Variants in KDM2A observed in about 807,000 individuals in gnomAD.
KDM2A encodes lysine demethylase 2A.
Under a neutral mutation model 137.3 loss-of-function variants are expected in KDM2A, and 3 were observed. The ratio of observed to expected loss-of-function variants is 0.02; its 90% CI spans 0.01 to 0.06. The LOEUF (loss-of-function observed/expected upper bound fraction) is 0.06, where lower values mean the gene tolerates loss of function less well. Ranked by LOEUF, KDM2A falls within the 10% of genes least tolerant of loss-of-function variation. The probability of loss-of-function intolerance (pLI) is 1.00; values close to 1 mark genes in which losing one functional copy is unlikely to be tolerated. For synonymous variants in KDM2A, 512 were observed against 541.5 expected, an observed-to-expected ratio of 0.95 and a Z score of 0.76; for missense variants, 738 against 1,510.6, an observed-to-expected ratio of 0.49 and a Z score of 8.48.
intron 2 of KDM2A, among the ~76,000 whole-genome samples, chr11:67,137,046 G>C (rs748540872): frequency 1.3e-5 from 2 of 152,132 alleles, no homozygotes; most frequent in Non-Finnish European, 2.9e-5. Flanking sequence ...AGACCTAAAG[G>C]GTGACTAGGA....
At chr11:67,233,575 C>G (rs1181803404) in intron 12 of KDM2A, among the ~76,000 whole-genome samples, 1 of 101,736 alleles carries the variant, frequency 9.8e-6, no homozygotes, top group Admixed American at 1.2e-4. Flanking sequence ...TCCCTTGAAC[C>G]TGGGAGGCAA....
chr11:67,254,211 A>G lies in KDM2A; in HGVS notation c.3100A>G (p.Asn1034Asp), dbSNP rs1254373672. Residue 1034 changes from asparagine (N) to aspartate (D), a missense_variant, in exon 20 of 21, where the codon AAT becomes GAT. Coordinates refer to ENST00000529006, the MANE Select transcript of KDM2A (RefSeq NM_012308.3). The surrounding 1 kb of genome is among the most constrained non-coding windows in gnomAD (Gnocchi z 4.7). Reference sequence around the variant, plus strand: ...TTCTCTTGCCTGTACAGGTCAGGACAATCGCAGCAAGCTCCGGAACATGAC... The same window carrying G: ...TTCTCTTGCCTGTACAGGTCAGGACGATCGCAGCAAGCTCCGGAACATGAC... ...TPPADKPGQD[N>D]RSKLRNMTDF... 1 of 1,613,818 alleles carries G rather than the reference A, an allele frequency of 6.2e-7. No individual in the cohort carries two copies. The highest frequency in any genetic ancestry group is 8.5e-7 in the Non-Finnish European group (1 of 1,179,756).
chr11:67,199,579 A>C (rs1857566696), intron 5 of KDM2A, among the ~76,000 whole-genome samples: 1 of 152,238 alleles, frequency 6.6e-6, no homozygotes, highest in African/African-American at 2.4e-5. Flanking sequence ...CCTAAGCCAC[A>C]GTAAAGCCCT....
At chr11:67,189,792 A>G (rs978890404) in intron 5 of KDM2A, among the ~76,000 whole-genome samples, 1 of 152,140 alleles carries the variant, frequency 6.6e-6, no homozygotes, top group Non-Finnish European at 1.5e-5. Flanking sequence ...GTGAGCCAAG[A>G]TCGCACATTG....
At chr11:67,144,315 T>C (rs904602567) in intron 2 of KDM2A, among the ~76,000 whole-genome samples, 1 of 140,932 alleles carries the variant, frequency 7.1e-6, no homozygotes, top group African/African-American at 2.7e-5. Context: ...TGCAGTGGGG[T>C]GACCTCTGCT....
chr11:67,177,905 C>T (rs911263458), intron 2 of KDM2A, among the ~76,000 whole-genome samples: 5 of 152,114 alleles, frequency 3.3e-5, no homozygotes, highest in African/African-American at 1.2e-4. Context: ...GTCCTGATGG[C>T]AACAGTGTCA....
intron 5 of KDM2A, among the ~76,000 whole-genome samples, chr11:67,206,957 A>T (rs1469216117): frequency 6.6e-6 from 1 of 152,236 alleles, no homozygotes; most frequent in East Asian, 1.9e-4. Flanking sequence ...ATGAACTAGG[A>T]TAATTATCTT....
chr11:67,174,964 G>C (rs893165028), intron 2 of KDM2A, among the ~76,000 whole-genome samples: 6 of 152,138 alleles, frequency 3.9e-5, no homozygotes, highest in African/African-American at 1.4e-4. Context: ...CTCCCTTTAG[G>C]CTGCTAAAAT....
intron 2 of KDM2A, among the ~76,000 whole-genome samples, chr11:67,125,535 G>A (rs145187619): frequency 6.6e-4 from 100 of 152,106 alleles, no homozygotes; most frequent in African/African-American, 2.3e-3. Context: ...ACTTTGGGAG[G>A]CATAGGCAGG....
intron 2 of KDM2A, among the ~76,000 whole-genome samples, chr11:67,144,207 G>A (rs1156677667): frequency 6.6e-6 from 1 of 151,260 alleles, no homozygotes; most frequent in Admixed American, 6.6e-5. Flanking sequence ...CCAAAGTGTT[G>A]GGATTACTGG....
intron 12 of KDM2A, among the ~76,000 whole-genome samples, chr11:67,241,809 C>T (rs138199456): frequency 7.0e-4 from 107 of 152,332 alleles, no homozygotes; most frequent in African/African-American, 2.4e-3. Context: ...TGGCTCATGC[C>T]TGTAATCCCA....
chr11:67,141,682 A>ATATAT (rs1276401227), intron 2 of KDM2A, among the ~76,000 whole-genome samples: 6 of 119,342 alleles, frequency 5.0e-5, no homozygotes, highest in African/African-American at 1.6e-4. Context: ...AAAAAAAAAA[A>ATATAT]ATATATATAT....
chr11:67,147,915 G>A (rs1472118513), intron 2 of KDM2A, among the ~76,000 whole-genome samples: 2 of 151,876 alleles, frequency 1.3e-5, no homozygotes, highest in African/African-American at 4.8e-5. Flanking sequence ...CTGACCTCGT[G>A]ATTCACCTGC....
chr11:67,247,735 T>C lies in KDM2A; in HGVS notation c.1966-546T>C, dbSNP rs117328678. Among the ~76,000 whole-genome samples the C allele has an allele frequency of 3.5e-3, 537 of 152,314 alleles. 1 individual carries two copies. Among genetic ancestry groups the C allele is most frequent in the Admixed American group, 5.8e-3 (89 of 15,298 alleles). ...CCACCATGCCCGGCCAACTTTACAATCTTAAAAGTTTGTTTGATTAATTAT... is the reference window on the plus strand; with the variant it reads ...CCACCATGCCCGGCCAACTTTACAACCTTAAAAGTTTGTTTGATTAATTAT... On this transcript the variant is annotated intron_variant, in intron 15 of 20. Transcript: ENST00000529006.
chr11:67,257,563 A>G lies in KDM2A; in HGVS notation c.*2508A>G, dbSNP rs527646014. On this transcript the variant is annotated 3_prime_UTR_variant, in exon 21 of 21. Coordinates refer to ENST00000529006, the MANE Select transcript of KDM2A (RefSeq NM_012308.3). ...TCCATCTTTCCAAGCACCGGGGCGA[A>G]AAACCACAAAGGAAAGGAAGAAAAT... 1 of 152,712 alleles carries G rather than the reference A, an allele frequency of 6.5e-6. No homozygotes were observed. The highest frequency in any genetic ancestry group is 1.5e-5 in the Non-Finnish European group (1 of 68,030). 9.5% of individuals were successfully genotyped at this position (152,712 alleles called of 1,614,324 possible).
Position 67,123,950 on chromosome 11 carries a change from T to A in KDM2A, c.42+2592T>A, listed in dbSNP as rs187096987. Among the ~76,000 whole-genome samples, 715 of 151,822 alleles carry A rather than the reference T, an allele frequency of 4.7e-3. 2 individuals are homozygous for A. The highest frequency in any genetic ancestry group is 7.9e-3 in the Non-Finnish European group (534 of 67,944). ...TCTTGGCCTCCCAAAGTGCTGAGAT[T>A]ACAGGCATGAGCCACTGGACCTGGA... On this transcript the variant is annotated intron_variant, in intron 2 of 20. Coordinates refer to ENST00000529006, the MANE Select transcript of KDM2A (RefSeq NM_012308.3).
intron 11 of KDM2A, among the ~76,000 whole-genome samples, chr11:67,229,864 C>T (rs1213537350): frequency 4.4e-4 from 63 of 142,746 alleles, no homozygotes; most frequent in African/African-American, 1.6e-3. Context: ...AGTGAGACTC[C>T]GTCTCAAAAA....
At chr11:67,218,850 C>T (rs1858247459) in intron 9 of KDM2A, among the ~76,000 whole-genome samples, 1 of 152,176 alleles carries the variant, frequency 6.6e-6, no homozygotes, top group Non-Finnish European at 1.5e-5. Flanking sequence ...ACCTCGTGAT[C>T]CACCCGCCTC....
At chr11:67,187,242 G>A (rs935278145) in intron 5 of KDM2A, among the ~76,000 whole-genome samples, 1 of 152,124 alleles carries the variant, frequency 6.6e-6, no homozygotes. Context: ...AGGAAAATGA[G>A]GAACAAAGCT....
Sources: allele counts gnomAD v4.1 joint callset (sites outside exome capture counted in the v4.1 genomes callset), GRCh38; gene constraint gnomAD v4.1.1; non-coding constraint Gnocchi (gnomAD v3.1); transcripts MANE v1.5; gene names NCBI Gene and HGNC (gene_info 2026-07-23, HGNC 2026-07-21).